RHPN2: variants seen among roughly 807,000 people sequenced by gnomAD.
RHPN2 encodes rhophilin-2.
A neutral mutation model predicts 79.0 loss-of-function variants in RHPN2; 40 were observed. The observed-to-expected ratio is 0.51, with a 90% CI of 0.39 to 0.66. The LOEUF is 0.66. RHPN2 is among the 30% of genes least tolerant of loss of function. The probability of loss-of-function intolerance (pLI) is 0.00; values close to 1 mark genes in which losing one functional copy is unlikely to be tolerated. For missense variants in RHPN2, 686 were observed against 883.5 expected (o/e 0.78, Z 2.83); for synonymous variants, 285 against 363.5 (o/e 0.78, Z 2.46).
intron 1 of RHPN2, among the ~76,000 whole-genome samples, chr19:33,060,135 A>G (rs1559087): frequency 0.41 from 62,598 of 152,066 alleles, 16,279 homozygotes; most frequent in African/African-American, 0.73. Flanking sequence ...ATGACCAGAC[A>G]CCTCAGGCAG....
At chr19:32,983,374 T>C (rs868542738) in intron 14 of RHPN2, among the ~76,000 whole-genome samples, 41 of 151,826 alleles carry the variant, frequency 2.7e-4, no homozygotes, top group African/African-American at 9.2e-4. Flanking sequence ...TAGCCGGGCG[T>C]GGTGGCGGGC....
intron 7 of RHPN2, among the ~76,000 whole-genome samples, chr19:33,003,357 C>CAAAAAA (rs56166279): frequency 6.0e-5 from 4 of 66,614 alleles, no homozygotes; most frequent in East Asian, 4.3e-4. Flanking sequence ...GACTCTGTCT[C>CAAAAAA]AAAAAAAAAA....
intron 9 of RHPN2, 136 bp from the exon 10 acceptor site, chr19:32,999,841 G>GC (rs1227370722): frequency 3.5e-6 from 4 of 1,139,912 alleles, no homozygotes; most frequent in African/African-American, 1.6e-5. Flanking sequence ...TCTCCTTTCT[G>GC]CCCCCGGACA....
rs144047918 is a variant in RHPN2 at position 33,026,541 on chromosome 19, C to T, written c.277G>A (p.Gly93Arg). The change falls in exon 3 of 15, where the codon GGG becomes AGG. Residue 93 changes from glycine (G) to arginine (R), a missense_variant. Transcript: ENST00000254260. ...DLQMLKEELE[G>R]LNISVGVYQN... ...TAGACGCCCACCGAGATGTTCAGCCCCTCCAGCTCTTCCTTGAGCATCTGC... is the reference window on the plus strand; with the variant it reads ...TAGACGCCCACCGAGATGTTCAGCCTCTCCAGCTCTTCCTTGAGCATCTGC... 2 of 1,608,992 alleles carry T rather than the reference C, an allele frequency of 1.2e-6. No homozygotes were observed. Among genetic ancestry groups the T allele is most frequent in the Non-Finnish European group, 1.7e-6 (2 of 1,179,784 alleles).
chr19:33,017,787 G>A (rs921942903), intron 4 of RHPN2, among the ~76,000 whole-genome samples: 23 of 151,578 alleles, frequency 1.5e-4, no homozygotes, highest in East Asian at 1.2e-3. Context: ...TTGGAAGGCC[G>A]AGGTGGGCGG....
chr19:32,985,569 A>C (rs1337100461), intron 14 of RHPN2, among the ~76,000 whole-genome samples: 1 of 152,172 alleles, frequency 6.6e-6, no homozygotes, highest in East Asian at 1.9e-4. Flanking sequence ...CCCAAGAGTC[A>C]AGGCCACAGT....
chr19:33,057,623 C>T (rs1037422223), intron 1 of RHPN2, among the ~76,000 whole-genome samples: 4 of 150,730 alleles, frequency 2.7e-5, no homozygotes, highest in Non-Finnish European at 5.9e-5. Context: ...CTGTGGTGAG[C>T]CAAGACCGTG....
chr19:33,001,433 T>C (rs1414260418), intron 9 of RHPN2, among the ~76,000 whole-genome samples: 1 of 152,064 alleles, frequency 6.6e-6, no homozygotes, highest in African/African-American at 2.4e-5. Context: ...TCCCAGCTAT[T>C]TGGGAGGCTG....
At chr19:33,006,648 G>C (rs888259259) in intron 7 of RHPN2, among the ~76,000 whole-genome samples, 1 of 152,196 alleles carries the variant, frequency 6.6e-6, no homozygotes, top group African/African-American at 2.4e-5. Context: ...ATCCCCACGT[G>C]GAGTCTGACC....
At chr19:32,991,744 T>C (rs1196619970) in intron 13 of RHPN2, 79 bp downstream of exon 13, 1 of 1,579,586 alleles carries the variant, frequency 6.3e-7, no homozygotes, top group Non-Finnish European at 8.7e-7. Flanking sequence ...AGTCAGGCCT[T>C]TGACATGGGT....
At chr19:33,064,755 T>TTGGC in intron 1 of RHPN2, 29 bp downstream of exon 1, 3 of 1,427,944 alleles carry the variant, frequency 2.1e-6, no homozygotes, top group Non-Finnish European at 2.8e-6. Flanking sequence ...AGCCCGCAGG[T>TTGGC]CCCCGCCCGC....
At chr19:33,034,359 A>G (rs978896141) in intron 2 of RHPN2, among the ~76,000 whole-genome samples, 6 of 151,786 alleles carry the variant, frequency 4.0e-5, no homozygotes, top group African/African-American at 1.4e-4. Context: ...TAATCCCAGC[A>G]CTTTGGGAGG....
chr19:33,029,066 G>T (rs1042080274), intron 2 of RHPN2, among the ~76,000 whole-genome samples: 3 of 151,984 alleles, frequency 2.0e-5, no homozygotes, highest in African/African-American at 7.3e-5. Flanking sequence ...CTTGAACCCG[G>T]AAGGCAGAGG....
At chr19:32,985,947 T>A (rs1971610289) in intron 14 of RHPN2, among the ~76,000 whole-genome samples, 2 of 152,188 alleles carry the variant, frequency 1.3e-5, no homozygotes, top group South Asian at 2.1e-4. Context: ...ACATTATTTT[T>A]AAAAAAATTA....
chr19:33,047,572 C>T (rs909222005), intron 1 of RHPN2, among the ~76,000 whole-genome samples: 1 of 152,144 alleles, frequency 6.6e-6, no homozygotes, highest in Non-Finnish European at 1.5e-5. Context: ...GGTAGTATTA[C>T]GTGGTGAAGA....
At chr19:33,035,593 G>T (rs1237772458) in intron 2 of RHPN2, among the ~76,000 whole-genome samples, 1 of 152,188 alleles carries the variant, frequency 6.6e-6, no homozygotes, top group Non-Finnish European at 1.5e-5. Flanking sequence ...GCTAGCACAG[G>T]TGTAGGTCAG....
chr19:33,052,430 A>G (rs2145269252), intron 1 of RHPN2, among the ~76,000 whole-genome samples: 1 of 152,326 alleles, frequency 6.6e-6, no homozygotes, highest in East Asian at 1.9e-4. Flanking sequence ...CCAGCCAGAG[A>G]GACCTTCCCA....
chr19:33,056,662 A>G (rs1972235069), intron 1 of RHPN2, among the ~76,000 whole-genome samples: 1 of 152,220 alleles, frequency 6.6e-6, no homozygotes, highest in South Asian at 2.1e-4. Flanking sequence ...AAGTTGAGAA[A>G]GTAATTTATA....
chr19:33,025,838 A>AT (rs748223076), intron 3 of RHPN2, among the ~76,000 whole-genome samples: 35 of 152,334 alleles, frequency 2.3e-4, no homozygotes, highest in Non-Finnish European at 4.4e-4. Flanking sequence ...ATTTAATAAC[A>AT]TATCTTGCTA....
Sources: gnomAD v4.1 joint callset for allele counts (sites outside exome capture counted in the v4.1 genomes callset) on GRCh38, gnomAD v4.1.1 for gene constraint, MANE v1.5 for transcripts, NCBI Gene and HGNC (gene_info 2026-07-23, HGNC 2026-07-21) for gene names.